The following CFDP1 variants were observed in gnomAD, a reference collection of about 807,000 sequenced individuals.
CFDP1 encodes the protein heterochromatin-stabilizing protein CFDP1.
Under a neutral mutation model 40.1 loss-of-function variants are expected in CFDP1, and 31 were observed. The observed-to-expected ratio is 0.77, with a 90% CI of 0.58 to 1.04. CFDP1 has a LOEUF of 1.04. Among genes scored for constraint, CFDP1 ranks in the 50% least tolerant of loss-of-function variants. The pLI, the probability that CFDP1 is intolerant of heterozygous loss-of-function variation, is 0.00. For missense variants in CFDP1, 423 were observed against 343.4 expected (o/e 1.23, Z -1.83); for synonymous variants, 167 against 120.0 (o/e 1.39, Z -2.56).
chr16:75,368,667 T>G (rs565618219), intron 5 of CFDP1, among the ~76,000 whole-genome samples: 10 of 152,232 alleles, frequency 6.6e-5, no homozygotes, highest in African/African-American at 2.2e-4. Context: ...TACTTTTGTG[T>G]GTAGGTCTGA....
In CFDP1 at chr16:75,315,883, C is replaced by T. The variant is rs540035605; in HGVS notation, c.651-10701G>A. 2.6e-5 allele frequency among the ~76,000 whole-genome samples: 4 copies of T among 152,268 alleles called. No individual in the cohort carries two copies. In the South Asian group the frequency reaches 6.2e-4, roughly 24 times the overall value. ...TTCAACACACCTCCCAAAATGGCCT[C>T]GTTAGTTGCTCCCCATTCTCTCTCA... On this transcript the variant is annotated intron_variant, in intron 5 of 6. Coordinates refer to ENST00000283882, the MANE Select transcript of CFDP1 (RefSeq NM_006324.3).
chr16:75,401,530 G>A (rs898997005), intron 4 of CFDP1, among the ~76,000 whole-genome samples: 1 of 151,966 alleles, frequency 6.6e-6, no homozygotes, highest in African/African-American at 2.4e-5. Context: ...AACCCAGGAG[G>A]CAGAGGTTTC....
chr16:75,399,380 G>A (rs773904976), intron 4 of CFDP1, among the ~76,000 whole-genome samples: 16 of 152,064 alleles, frequency 1.1e-4, no homozygotes, highest in Non-Finnish European at 2.2e-4. Context: ...AGCTAATGAA[G>A]AACAAGTAGA....
chr16:75,388,951 G>C (rs1680730026), intron 5 of CFDP1, among the ~76,000 whole-genome samples: 2 of 148,196 alleles, frequency 1.3e-5, no homozygotes, highest in South Asian at 4.2e-4. Context: ...CATAGATCAA[G>C]AAAACAAGGC....
At chr16:75,358,573 T>G (rs1248932180) in intron 5 of CFDP1, among the ~76,000 whole-genome samples, 1 of 152,140 alleles carries the variant, frequency 6.6e-6, no homozygotes, top group Non-Finnish European at 1.5e-5. Flanking sequence ...AGTGGGAGTC[T>G]CCAGGAAGAG....
At chr16:75,418,080 C>A (rs377729029) in intron 1 of CFDP1, among the ~76,000 whole-genome samples, 16 of 151,740 alleles carry the variant, frequency 1.1e-4, no homozygotes, top group South Asian at 8.3e-4. Context: ...ACAGTGAAAC[C>A]CCATCTCTAC....
At chr16:75,330,234 G>A (rs1010800884) in intron 5 of CFDP1, among the ~76,000 whole-genome samples, 1 of 152,200 alleles carries the variant, frequency 6.6e-6, no homozygotes, top group Non-Finnish European at 1.5e-5. Flanking sequence ...GGGCAAGGCT[G>A]TGGACTCAAT....
At chr16:75,372,535 G>C (rs988642879) in intron 5 of CFDP1, 1 of 152,066 alleles carries the variant, frequency 6.6e-6, no homozygotes, top group Non-Finnish European at 1.5e-5. Flanking sequence ...AAAACAAAAA[G>C]CAGATCAATC....
At chr16:75,334,502 G>A (rs2078471432) in intron 5 of CFDP1, among the ~76,000 whole-genome samples, 2 of 150,786 alleles carry the variant, frequency 1.3e-5, no homozygotes, top group Non-Finnish European at 1.5e-5. Flanking sequence ...GCCATCAGCT[G>A]GAGGCAGCGC....
chr16:75,320,056 C>T (rs1438750320), intron 5 of CFDP1, among the ~76,000 whole-genome samples: 1 of 152,184 alleles, frequency 6.6e-6, no homozygotes, highest in African/African-American at 2.4e-5. Context: ...TATCACTGAC[C>T]ATCAAAAAGA....
intron 5 of CFDP1, among the ~76,000 whole-genome samples, chr16:75,339,717 T>C (rs751377412): frequency 2.6e-5 from 4 of 152,226 alleles, no homozygotes; most frequent in Admixed American, 1.3e-4. Flanking sequence ...TCTTCTAGCA[T>C]TGCCAGGACA....
In CFDP1 at chr16:75,297,146, T is replaced by TTTTGTGTG. The variant is rs1555551779; in HGVS notation, c.810-3105_810-3104insCACACAAA. Among the ~76,000 whole-genome samples the TTTTGTGTG allele has an allele frequency of 1.4e-3, 192 of 133,068 alleles. 2 individuals carry two copies. The highest frequency in any genetic ancestry group is 4.9e-3 in the African/African-American group (181 of 37,302). The allele number at this position is 133,068 out of a possible 152,430, so 87.3% of individuals were successfully genotyped here. On this transcript the variant is annotated intron_variant, in intron 6 of 6. Coordinates refer to ENST00000283882, the MANE Select transcript of CFDP1 (RefSeq NM_006324.3). ...GCTTGGGGTTCTTGCTTCCCATTTC[T>TTTTGTGTG]TGTGTGTGTGTGTGTGTGTCTGTGT...
chr16:75,349,744 G>C (rs902776349), intron 5 of CFDP1, among the ~76,000 whole-genome samples: 1 of 122,454 alleles, frequency 8.2e-6, no homozygotes, highest in Non-Finnish European at 1.6e-5. Context: ...CTTGTATCTT[G>C]TAACCTTGCT....
intron 5 of CFDP1, among the ~76,000 whole-genome samples, chr16:75,335,175 TC>T (rs745971807): frequency 3.2e-4 from 48 of 152,184 alleles, no homozygotes; most frequent in Non-Finnish European, 5.4e-4. Flanking sequence ...TGTGGTAAGT[TC>T]CCCCCTGGTT....
At chr16:75,402,345 C>G (rs1567673403) in intron 4 of CFDP1, among the ~76,000 whole-genome samples, 1 of 152,188 alleles carries the variant, frequency 6.6e-6, no homozygotes, top group Non-Finnish European at 1.5e-5. Context: ...TGGGCAGAAA[C>G]TTTCCATGAC....
intron 5 of CFDP1, among the ~76,000 whole-genome samples, chr16:75,345,585 C>T (rs1386323784): frequency 6.6e-6 from 1 of 152,134 alleles, no homozygotes; most frequent in Non-Finnish European, 1.5e-5. Context: ...TTCAAGGATG[C>T]AGTGAACTAT....
chr16:75,331,419 A>G (rs1009798160), intron 5 of CFDP1, among the ~76,000 whole-genome samples: 1 of 152,144 alleles, frequency 6.6e-6, no homozygotes, highest in Non-Finnish European at 1.5e-5. Flanking sequence ...GCCCAGCCTG[A>G]AATGCACAGA....
chr16:75,315,126 C>A (rs750324170), intron 5 of CFDP1, among the ~76,000 whole-genome samples: 1 of 151,932 alleles, frequency 6.6e-6, no homozygotes, highest in Non-Finnish European at 1.5e-5. Flanking sequence ...ATCATTTGGC[C>A]AACCTAAAGA....
intron 1 of CFDP1, among the ~76,000 whole-genome samples, chr16:75,421,709 G>A (rs2079282631): frequency 6.6e-6 from 1 of 152,094 alleles, no homozygotes. Context: ...ATTTTATGAG[G>A]CCTGCATTAT....
Sources: gnomAD v4.1 joint callset for allele counts (sites outside exome capture counted in the v4.1 genomes callset) on GRCh38, gnomAD v4.1.1 for gene constraint, MANE v1.5 for transcripts, NCBI Gene and HGNC (gene_info 2026-07-23, HGNC 2026-07-21) for gene names.